Variants in CCBE1 observed in about 807,000 individuals in gnomAD.
CCBE1 encodes the protein collagen and calcium-binding EGF domain-containing protein 1.
Under a neutral mutation model 50.0 loss-of-function variants are expected in CCBE1, and 37 were observed. That is an observed-to-expected ratio of 0.74 (90% CI 0.57 to 0.97). The LOEUF (loss-of-function observed/expected upper bound fraction) is 0.97, where lower values mean the gene tolerates loss of function less well. Among genes scored for constraint, CCBE1 ranks in the 50% least tolerant of loss-of-function variants. The pLI is 0.00. For missense variants in CCBE1, 538 were observed against 523.8 expected, an observed-to-expected ratio of 1.03 and a Z score of -0.26; for synonymous variants, 234 against 203.7, an observed-to-expected ratio of 1.15 and a Z score of -1.27.
intron 5 of CCBE1, among the ~76,000 whole-genome samples, chr18:59,459,811 C>T (rs1347986711): frequency 1.3e-5 from 2 of 152,170 alleles, no homozygotes; most frequent in Non-Finnish European, 1.5e-5. Flanking sequence ...TTCTGCTGCA[C>T]ACCACCCGTC....
intron 2 of CCBE1, among the ~76,000 whole-genome samples, chr18:59,659,315 C>A (rs753372043): frequency 6.0e-5 from 9 of 150,228 alleles, no homozygotes; most frequent in Non-Finnish European, 1.3e-4. Context: ...TTTCAAACAG[C>A]AACCAACTTT....
chr18:59,460,245 C>G (rs578078714), intron 5 of CCBE1, among the ~76,000 whole-genome samples: 1 of 152,372 alleles, frequency 6.6e-6, no homozygotes, highest in South Asian at 2.1e-4. Flanking sequence ...CCTCCCTTCT[C>G]TCCTCCTGGA....
chr18:59,635,378 G>A (rs1441090667), intron 2 of CCBE1, among the ~76,000 whole-genome samples: 1 of 151,854 alleles, frequency 6.6e-6, no homozygotes, highest in African/African-American at 2.4e-5. Context: ...ATCAAAAAGG[G>A]TAATTATCTC....
In CCBE1 at chr18:59,435,695, AAATC is replaced by A. The variant is rs1392670314; in HGVS notation, c.*209_*212del. 1.6e-6 allele frequency: 1 copy of A among 612,942 alleles called. No homozygotes were observed. The highest frequency in any genetic ancestry group is 1.8e-5 in the African/African-American group (1 of 54,222). The allele number at this position is 612,942 out of a possible 1,614,324, so 38.0% of individuals were successfully genotyped here. A position where few individuals can be genotyped will look rare whatever the true frequency, so the allele number is the denominator to read the frequency against. On this transcript the variant is annotated 3_prime_UTR_variant, in exon 11 of 11. Transcript: ENST00000439986. ...AATGGACTCTTAGTGAGAAGCAGGT[AAATC>A]AATCATTCACTCCCTCATGTCTGCA...
At chr18:59,508,051 C>G (rs1193535130) in intron 2 of CCBE1, among the ~76,000 whole-genome samples, 1 of 151,838 alleles carries the variant, frequency 6.6e-6, no homozygotes, top group African/African-American at 2.4e-5. Flanking sequence ...AGCACCACAC[C>G]CAGCTAAATT....
chr18:59,598,639 A>AT (rs1332129003), intron 2 of CCBE1, among the ~76,000 whole-genome samples: 1 of 152,196 alleles, frequency 6.6e-6, no homozygotes, highest in Non-Finnish European at 1.5e-5. Context: ...TCCACCATTT[A>AT]TCCATGTAGC....
intron 2 of CCBE1, among the ~76,000 whole-genome samples, chr18:59,580,897 C>T (rs749338230): frequency 1.4e-4 from 22 of 152,140 alleles, no homozygotes; most frequent in Non-Finnish European, 2.2e-4. Context: ...GCCTGGCTTG[C>T]GACTTTAATC....
intron 2 of CCBE1, among the ~76,000 whole-genome samples, chr18:59,536,387 C>T (rs1915250870): frequency 6.6e-6 from 1 of 152,214 alleles, no homozygotes; most frequent in Non-Finnish European, 1.5e-5. Flanking sequence ...GAGCACCACC[C>T]TCCAGCTCTT....
chr18:59,554,157 CTT>C (rs1455291778), intron 2 of CCBE1, among the ~76,000 whole-genome samples: 2 of 152,128 alleles, frequency 1.3e-5, no homozygotes, highest in African/African-American at 4.8e-5. Flanking sequence ...GCCCAGCTAA[CTT>C]TATTTTTTGT....
chr18:59,649,408 CCCT>C (rs2054098473), intron 2 of CCBE1, among the ~76,000 whole-genome samples: 1 of 152,216 alleles, frequency 6.6e-6, no homozygotes, highest in African/African-American at 2.4e-5. Context: ...TCACACCCAG[CCCT>C]CAAGTTTACC....
At chr18:59,523,978 A>G (rs928607776) in intron 2 of CCBE1, among the ~76,000 whole-genome samples, 3 of 152,210 alleles carry the variant, frequency 2.0e-5, no homozygotes, top group Non-Finnish European at 2.9e-5. Flanking sequence ...CAAGGTAACA[A>G]TAGTCCAGCT....
intron 2 of CCBE1, among the ~76,000 whole-genome samples, chr18:59,567,342 C>A (rs2052845892): frequency 6.6e-6 from 1 of 152,160 alleles, no homozygotes; most frequent in Non-Finnish European, 1.5e-5. Context: ...CCATGTTGGC[C>A]AGGCTGGTCT....
intron 2 of CCBE1, among the ~76,000 whole-genome samples, chr18:59,541,365 C>T (rs535497103): frequency 6.6e-5 from 10 of 152,184 alleles, no homozygotes; most frequent in African/African-American, 1.9e-4. Context: ...AGGTTTATAC[C>T]AAACATAGGC....
intron 6 of CCBE1, among the ~76,000 whole-genome samples, chr18:59,451,261 C>T (rs1910916194): frequency 6.6e-6 from 1 of 151,812 alleles, no homozygotes; most frequent in Non-Finnish European, 1.5e-5. Flanking sequence ...GAGAAATTCT[C>T]AACTCCCCAG....
intron 2 of CCBE1, among the ~76,000 whole-genome samples, chr18:59,608,273 A>G (rs1471804834): frequency 6.6e-6 from 1 of 152,242 alleles, no homozygotes; most frequent in Non-Finnish European, 1.5e-5. Context: ...TGTTATTTAC[A>G]CAATTCCTTT....
At chr18:59,535,845 G>T (rs1915226954) in intron 2 of CCBE1, among the ~76,000 whole-genome samples, 1 of 152,106 alleles carries the variant, frequency 6.6e-6, no homozygotes, top group Admixed American at 6.5e-5. Flanking sequence ...ATAAAATCAA[G>T]ATTTAGGATA....
intron 2 of CCBE1, among the ~76,000 whole-genome samples, chr18:59,607,358 CCA>C (rs1438909522): frequency 6.6e-6 from 1 of 152,104 alleles, no homozygotes; most frequent in Non-Finnish European, 1.5e-5. Context: ...GTGGATGATT[CCA>C]CAGACTCAGA....
intron 2 of CCBE1, among the ~76,000 whole-genome samples, chr18:59,664,827 G>A (rs1284147103): frequency 2.0e-5 from 3 of 152,134 alleles, no homozygotes; most frequent in African/African-American, 7.2e-5. Context: ...TCATTCATGG[G>A]CACTATTAAT....
At chr18:59,562,211 A>G (rs970200367) in intron 2 of CCBE1, among the ~76,000 whole-genome samples, 7 of 152,342 alleles carry the variant, frequency 4.6e-5, no homozygotes, top group African/African-American at 1.7e-4. Context: ...GCATGTGTGT[A>G]TATACATACA....
Sources: gnomAD v4.1 joint callset for allele counts (sites outside exome capture counted in the v4.1 genomes callset) on GRCh38, gnomAD v4.1.1 for gene constraint, MANE v1.5 for transcripts, NCBI Gene and HGNC (gene_info 2026-07-23, HGNC 2026-07-21) for gene names.